The following GRM8 variants were observed in gnomAD, a reference collection of about 807,000 sequenced individuals.
GRM8 encodes the protein metabotropic glutamate receptor 8.
GRM8 carries 47 observed loss-of-function variants against 87.2 expected under a neutral mutation model. That is an observed-to-expected ratio of 0.54 (90% CI 0.43 to 0.69). GRM8 has a LOEUF of 0.69. Among genes scored for constraint, GRM8 ranks in the 30% least tolerant of loss-of-function variants. GRM8 has a pLI of 0.00. For missense variants in GRM8, 1,019 were observed against 1,139.2 expected, an observed-to-expected ratio of 0.89 and a Z score of 1.52; for synonymous variants, 396 against 404.5, an observed-to-expected ratio of 0.98 and a Z score of 0.25.
intron 2 of GRM8, among the ~76,000 whole-genome samples, chr7:127,169,243 A>C (rs1793642246): frequency 6.6e-6 from 1 of 151,640 alleles, no homozygotes; most frequent in Non-Finnish European, 1.5e-5. Flanking sequence ...AATGATAAGA[A>C]AGTGAAACAG....
At chr7:127,135,738 G>A (rs1224870118) in intron 2 of GRM8, among the ~76,000 whole-genome samples, 4 of 150,556 alleles carry the variant, frequency 2.7e-5, no homozygotes, top group African/African-American at 7.3e-5. Context: ...GCCTACAATC[G>A]TTTTTCTTAT....
intron 7 of GRM8, among the ~76,000 whole-genome samples, chr7:126,641,541 G>A (rs1468023934): frequency 6.6e-6 from 1 of 152,204 alleles, no homozygotes; most frequent in Non-Finnish European, 1.5e-5. Flanking sequence ...CTGAGCACAT[G>A]AGAAAGCTTC....
Position 126,716,376 on chromosome 7 carries a change from T to C in GRM8, c.1357+53489A>G, listed in dbSNP as rs79512969. Among the ~76,000 whole-genome samples the C allele has an allele frequency of 2.3e-3, 356 of 151,868 alleles. 2 individuals carry two copies. The highest frequency in any genetic ancestry group is 4.1e-3 in the Non-Finnish European group (282 of 67,986). On this transcript the variant is annotated intron_variant, in intron 7 of 10. Coordinates refer to ENST00000339582, the MANE Select transcript of GRM8 (RefSeq NM_000845.3). ...CAGAGAAGTATATTTGACAGCTAAG[T>C]TATTTCTCTACAGAAAAAAAAAAAA...
intron 9 of GRM8, among the ~76,000 whole-genome samples, chr7:126,528,284 A>G (rs1312559805): frequency 1.3e-5 from 2 of 152,142 alleles, no homozygotes; most frequent in Non-Finnish European, 2.9e-5. Context: ...TATGGTCTAA[A>G]TGGCAGGTGA....
chr7:126,451,471 G>C (rs577144032), intron 9 of GRM8, among the ~76,000 whole-genome samples: 8 of 151,798 alleles, frequency 5.3e-5, no homozygotes, highest in African/African-American at 1.7e-4. Context: ...GATCAGTACT[G>C]TAACTGTCCT....
intron 2 of GRM8, among the ~76,000 whole-genome samples, chr7:127,212,611 G>A (rs1445679910): frequency 6.6e-6 from 1 of 151,810 alleles, no homozygotes; most frequent in Non-Finnish European, 1.5e-5. Context: ...TAGAGACGGG[G>A]TTTCACCGTT....
chr7:126,856,170 T>C (rs1482383834), intron 6 of GRM8, among the ~76,000 whole-genome samples: 1 of 152,160 alleles, frequency 6.6e-6, no homozygotes, highest in Non-Finnish European at 1.5e-5. Context: ...AACAGGCTTA[T>C]ATGCAAAATG....
At chr7:127,055,828 C>T (rs145165133) in intron 3 of GRM8, among the ~76,000 whole-genome samples, 56 of 151,814 alleles carry the variant, frequency 3.7e-4, no homozygotes, top group East Asian at 1.5e-3. Flanking sequence ...AAAAAGTTTG[C>T]GAAGTGAATT....
intron 2 of GRM8, among the ~76,000 whole-genome samples, chr7:127,164,002 G>A (rs1413114033): frequency 6.6e-6 from 1 of 152,096 alleles, no homozygotes; most frequent in African/African-American, 2.4e-5. Context: ...CCCAATGTTG[G>A]AAGTGAGGCC....
At chr7:127,118,476 C>T (rs1330747220) in intron 2 of GRM8, among the ~76,000 whole-genome samples, 1 of 152,208 alleles carries the variant, frequency 6.6e-6, no homozygotes, top group Non-Finnish European at 1.5e-5. Context: ...TAGCTTACTG[C>T]TCTCTATAAG....
intron 3 of GRM8, among the ~76,000 whole-genome samples, chr7:127,098,260 A>G (rs745347392): frequency 9.9e-5 from 15 of 152,202 alleles, no homozygotes; most frequent in Non-Finnish European, 1.6e-4. Flanking sequence ...GTTTCCTTTC[A>G]TTCATAGTAT....
chr7:126,986,221 C>A (rs1319222385), intron 3 of GRM8, among the ~76,000 whole-genome samples: 1 of 151,960 alleles, frequency 6.6e-6, no homozygotes, highest in Non-Finnish European at 1.5e-5. Context: ...GTCTTTCAAC[C>A]CTGGTCTCAA....
Position 126,972,683 on chromosome 7 carries a change from G to A in GRM8, c.728-68000C>T, listed in dbSNP as rs769313100. Among the ~76,000 whole-genome samples, 80 of 152,250 alleles carry A rather than the reference G, an allele frequency of 5.3e-4. 1 individual carries two copies. Among genetic ancestry groups the A allele is most frequent in the East Asian group, 1.7e-3 (9 of 5,182 alleles). ...CTTTCCTCTTAGGAACAAAGATGCC[G>A]TATTTTGTGCTTTAAAAGAAAAGAA... On this transcript the variant is annotated intron_variant, in intron 3 of 10. Coordinates refer to ENST00000339582, the MANE Select transcript of GRM8 (RefSeq NM_000845.3).
chr7:126,820,942 A>G (rs1319840974), intron 6 of GRM8, among the ~76,000 whole-genome samples: 1 of 152,190 alleles, frequency 6.6e-6, no homozygotes, highest in Admixed American at 6.5e-5. Context: ...CTCTGCAAAA[A>G]CTACAAAAAT....
At chr7:126,860,982 G>T (rs1186212033) in intron 6 of GRM8, among the ~76,000 whole-genome samples, 1 of 152,110 alleles carries the variant, frequency 6.6e-6, no homozygotes, top group Non-Finnish European at 1.5e-5. Context: ...TGTATGGTTT[G>T]TGACTCCCAC....
intron 6 of GRM8, among the ~76,000 whole-genome samples, chr7:126,843,146 G>C (rs752787809): frequency 4.6e-5 from 7 of 152,158 alleles, no homozygotes; most frequent in Non-Finnish European, 7.4e-5. Flanking sequence ...AATCCTGTGA[G>C]GGTCATGACA....
intron 9 of GRM8, among the ~76,000 whole-genome samples, chr7:126,528,935 C>T (rs902260703): frequency 1.3e-5 from 2 of 152,184 alleles, no homozygotes; most frequent in South Asian, 2.1e-4. Context: ...TGTACCCCTA[C>T]ACTCTTCTGC....
intron 2 of GRM8, among the ~76,000 whole-genome samples, chr7:127,113,341 A>C (rs1826495323): frequency 6.6e-6 from 1 of 152,178 alleles, no homozygotes. Context: ...GCTTAGAGGA[A>C]GCTCCTCCAA....
intron 3 of GRM8, among the ~76,000 whole-genome samples, chr7:127,091,310 C>A (rs952576454): frequency 1.7e-4 from 25 of 151,174 alleles, no homozygotes; most frequent in Middle Eastern, 3.4e-3. Context: ...CTGGCCATCC[C>A]CCAGTTCCAC....
Sources: gnomAD v4.1 joint callset for allele counts (sites outside exome capture counted in the v4.1 genomes callset) on GRCh38, gnomAD v4.1.1 for gene constraint, MANE v1.5 for transcripts, NCBI Gene and HGNC (gene_info 2026-07-23, HGNC 2026-07-21) for gene names.